The following KLF8 variants were observed in gnomAD, a reference collection of about 807,000 sequenced individuals.
KLF8 encodes the protein Krueppel-like factor 8.
KLF8 carries 10 observed loss-of-function variants against 18.2 expected under a neutral mutation model. That is an observed-to-expected ratio of 0.55 (90% confidence interval 0.34 to 0.93). KLF8 has a LOEUF of 0.93. Ranked by LOEUF, KLF8 falls within the 40% of genes least tolerant of loss-of-function variation. The pLI is 0.02. For missense variants in KLF8, 264 were observed against 277.9 expected, an observed-to-expected ratio of 0.95 and a Z score of 0.36; for synonymous variants, 109 against 97.3, an observed-to-expected ratio of 1.12 and a Z score of -0.71.
chrX:56,148,741 C>G, the KLF8 span, among the ~76,000 whole-genome samples: 1 of 111,284 alleles, frequency 9.0e-6, no homozygotes, highest in Admixed American at 9.6e-5. Flanking sequence ...AGGGGAACGC[C>G]CCTTTATAAA....
chrX:55,969,665 A>G, the KLF8 span, among the ~76,000 whole-genome samples: 4 of 111,746 alleles, frequency 3.6e-5, no homozygotes, highest in Admixed American at 9.5e-5. Context: ...GTGGTTTTTT[A>G]AAAGATAAAA....
At chrX:56,187,565 A>C in the KLF8 span, among the ~76,000 whole-genome samples, 1 of 111,743 alleles carries the variant, frequency 8.9e-6, no homozygotes, top group African/African-American at 3.3e-5. Flanking sequence ...GCAGAGACAC[A>C]ACCAAAAAAG....
chrX:56,059,803 A>AT, the KLF8 span, among the ~76,000 whole-genome samples: 1 of 110,875 alleles, frequency 9.0e-6, no homozygotes. Context: ...TTCAGCTTTT[A>AT]TTTTTTTGCT....
chrX:56,204,291 ATTTG>A, the KLF8 span, among the ~76,000 whole-genome samples: 1,852 of 112,022 alleles, frequency 0.017, 40 homozygotes, highest in African/African-American at 0.057. Context: ...AATTTACTGA[ATTTG>A]TTTGTCAGTT....
At chrX:56,089,685 G>A in the KLF8 span, among the ~76,000 whole-genome samples, 1 of 112,309 alleles carries the variant, frequency 8.9e-6, no homozygotes, top group Non-Finnish European at 1.9e-5. Flanking sequence ...ATGCCTGAGA[G>A]TGGAAACTTC....
chrX:56,169,223 A>T, the KLF8 span, among the ~76,000 whole-genome samples: 2 of 111,602 alleles, frequency 1.8e-5, no homozygotes, highest in African/African-American at 6.5e-5. Flanking sequence ...GACCTTGGGT[A>T]AGACTCAGAT....
the KLF8 span, among the ~76,000 whole-genome samples, chrX:55,990,409 C>T: frequency 8.9e-6 from 1 of 112,075 alleles, no homozygotes; most frequent in Non-Finnish European, 1.9e-5. Flanking sequence ...TGTCTTTGTT[C>T]TCATTGGTTT....
At chrX:56,025,100 C>T in the KLF8 span, among the ~76,000 whole-genome samples, 1 of 112,131 alleles carries the variant, frequency 8.9e-6, no homozygotes, top group Non-Finnish European at 1.9e-5. Context: ...CCATTGATCT[C>T]CTGTTACAGT....
chrX:55,921,693 G>A, the KLF8 span, among the ~76,000 whole-genome samples: 5 of 111,643 alleles, frequency 4.5e-5, no homozygotes, highest in Non-Finnish European at 7.5e-5. Flanking sequence ...CTACAGAATA[G>A]GAGAAAATTT....
chrX:56,265,894 T>G, intron 3 of KLF8, 150 bp downstream of exon 3: 1 of 1,061,183 alleles, frequency 9.4e-7, no homozygotes, highest in Non-Finnish European at 1.2e-6. Context: ...TATGTCTTTT[T>G]AATGCTTAAG....
At chrX:55,961,433 T>C in the KLF8 span, 1 of 537,594 alleles carries the variant, frequency 1.9e-6, no homozygotes. Context: ...CCTTACATGC[T>C]GCTTAATGTC....
the KLF8 span, among the ~76,000 whole-genome samples, chrX:56,168,293 C>T: frequency 9.0e-6 from 1 of 111,153 alleles, no homozygotes; most frequent in Admixed American, 9.6e-5. Flanking sequence ...ATTATGAAAG[C>T]AATTCTATGG....
the KLF8 span, among the ~76,000 whole-genome samples, chrX:55,933,860 ATATTGTTT>A: frequency 8.9e-6 from 1 of 112,076 alleles, no homozygotes; most frequent in African/African-American, 3.2e-5. Context: ...AAATTATATT[ATATTGTTT>A]CTACCCATGG....
the KLF8 span, among the ~76,000 whole-genome samples, chrX:56,042,488 G>T: frequency 5.5e-4 from 61 of 111,308 alleles, no homozygotes; most frequent in South Asian, 0.022. Context: ...GATTCTTTTA[G>T]GTCTCTAATA....
chrX:56,109,756 AT>A, the KLF8 span, among the ~76,000 whole-genome samples: 3 of 60,185 alleles, frequency 5.0e-5, no homozygotes, highest in East Asian at 5.2e-4. Context: ...CTCATAACTT[AT>A]TTTTTCCCTT....
At chrX:56,191,732 A>C in the KLF8 span, among the ~76,000 whole-genome samples, 1 of 111,723 alleles carries the variant, frequency 9.0e-6, no homozygotes, top group South Asian at 3.8e-4. Flanking sequence ...ATCATTCTTG[A>C]TCATTTCAAT....
chrX:55,917,051 TA>T, the KLF8 span, among the ~76,000 whole-genome samples: 1 of 112,168 alleles, frequency 8.9e-6, no homozygotes, highest in African/African-American at 3.2e-5. Context: ...GATCTTGGGA[TA>T]GATTTTTTCC....
At chrX:56,182,792 C>T in the KLF8 span, among the ~76,000 whole-genome samples, 4 of 112,578 alleles carry the variant, frequency 3.6e-5, no homozygotes, top group Non-Finnish European at 7.5e-5. Context: ...GAAAATATTG[C>T]AGAACAGCAA....
chrX:55,990,679 G>A, the KLF8 span, among the ~76,000 whole-genome samples: 2 of 111,961 alleles, frequency 1.8e-5, no homozygotes, highest in African/African-American at 6.5e-5. Flanking sequence ...TGGGATTTTG[G>A]TGTGGATGTC....
Sources: gnomAD v4.1 joint callset for allele counts (sites outside exome capture counted in the v4.1 genomes callset) on GRCh38, gnomAD v4.1.1 for gene constraint, MANE v1.5 for transcripts, NCBI Gene and HGNC (gene_info 2026-07-23, HGNC 2026-07-21) for gene names.